CALN1: variants seen among roughly 807,000 people sequenced by gnomAD.
CALN1 encodes the protein calcium-binding protein 8.
In CALN1, 17 loss-of-function variants were observed where a neutral mutation model predicts 30.6. That is an observed-to-expected ratio of 0.56 (90% CI 0.38 to 0.83). CALN1 has a LOEUF of 0.83. CALN1 is among the 40% of genes least tolerant of loss of function. The pLI is 0.00. For missense variants in CALN1, 291 were observed against 354.9 expected (o/e 0.82, Z 1.45); for synonymous variants, 156 against 131.4 (o/e 1.19, Z -1.28).
intron 2 of CALN1, among the ~76,000 whole-genome samples, chr7:72,358,133 A>C (rs1803351008): frequency 6.6e-6 from 1 of 151,704 alleles, no homozygotes; most frequent in Non-Finnish European, 1.5e-5. Flanking sequence ...CCGGGGTTAT[A>C]GGTGTGCACC....
chr7:72,485,786 A>G, the CALN1 span, among the ~76,000 whole-genome samples: 6 of 152,158 alleles, frequency 3.9e-5, no homozygotes, highest in East Asian at 9.7e-4. Flanking sequence ...CAGGAGAATC[A>G]CTTGAACCCG....
intron 2 of CALN1, among the ~76,000 whole-genome samples, chr7:72,287,172 ATATT>A (rs1798137068): frequency 6.6e-6 from 1 of 152,158 alleles, no homozygotes; most frequent in Non-Finnish European, 1.5e-5. Flanking sequence ...AAGAAATAAC[ATATT>A]ACACTGAAAC....
intron 2 of CALN1, among the ~76,000 whole-genome samples, chr7:72,399,781 T>C (rs889932825): frequency 2.6e-5 from 4 of 152,328 alleles, no homozygotes; most frequent in Middle Eastern, 6.8e-3. Context: ...AATCTCATGT[T>C]GGAATGTGAT....
At chr7:72,387,334 T>A (rs1805292528) in intron 2 of CALN1, among the ~76,000 whole-genome samples, 1 of 137,952 alleles carries the variant, frequency 7.2e-6, no homozygotes, top group African/African-American at 2.7e-5. Context: ...ATACAAGAAT[T>A]CCATAATTTA....
intron 6 of CALN1, among the ~76,000 whole-genome samples, chr7:71,799,321 C>T (rs1006278442): frequency 2.5e-4 from 38 of 152,254 alleles, no homozygotes; most frequent in Admixed American, 2.2e-3. Context: ...TGAGGGCATG[C>T]TGGGGAAGGA....
At chr7:72,157,929 G>C (rs906196675) in intron 3 of CALN1, among the ~76,000 whole-genome samples, 1 of 152,140 alleles carries the variant, frequency 6.6e-6, no homozygotes, top group East Asian at 1.9e-4. Context: ...ATGTTTAATA[G>C]AGACAGGGTT....
the CALN1 span, among the ~76,000 whole-genome samples, chr7:72,471,450 G>A: frequency 6.6e-6 from 1 of 152,168 alleles, no homozygotes; most frequent in African/African-American, 2.4e-5. Context: ...ACCTCCCCTG[G>A]GGGAACACAC....
chr7:71,840,067 C>T (rs1789844392), intron 5 of CALN1, among the ~76,000 whole-genome samples: 1 of 152,134 alleles, frequency 6.6e-6, no homozygotes, highest in South Asian at 2.1e-4. Context: ...TGAAGTTTTC[C>T]CTGACTCTGT....
intron 5 of CALN1, among the ~76,000 whole-genome samples, chr7:71,923,007 ACTATACTATACTATACTATT>A (rs1273685111): frequency 6.9e-6 from 1 of 145,340 alleles, no homozygotes; most frequent in South Asian, 2.1e-4. Context: ...ACTACACTAT[ACTATACTATACTATACTATT>A]CTATACTATA....
chr7:71,972,751 T>C (rs62462777), intron 5 of CALN1, among the ~76,000 whole-genome samples: 1,945 of 152,294 alleles, frequency 0.013, 21 homozygotes, highest in Non-Finnish European at 0.023. Context: ...TTGGCAGTGA[T>C]TGATGGGCCG....
the CALN1 span, among the ~76,000 whole-genome samples, chr7:72,463,858 G>C: frequency 6.6e-6 from 1 of 151,904 alleles, no homozygotes; most frequent in Non-Finnish European, 1.5e-5. Flanking sequence ...ACTTTTCCTG[G>C]CCTGGCCTGG....
intron 4 of CALN1, among the ~76,000 whole-genome samples, chr7:72,033,794 A>G (rs933957337): frequency 1.3e-5 from 2 of 152,150 alleles, no homozygotes; most frequent in African/African-American, 4.8e-5. Context: ...CTTGGGTATG[A>G]AAGCGCCAGA....
chr7:72,316,806 A>G (rs1199373076), intron 2 of CALN1, among the ~76,000 whole-genome samples: 1 of 151,778 alleles, frequency 6.6e-6, no homozygotes, highest in East Asian at 2.0e-4. Flanking sequence ...TCAGCTGTGC[A>G]TGGTGTCACA....
upstream of CALN1, among the ~76,000 whole-genome samples, chr7:72,451,179 C>CAGG (rs1330614631): frequency 7.4e-5 from 7 of 94,738 alleles, no homozygotes; most frequent in African/African-American, 1.6e-4. Flanking sequence ...GGAGGAGGAG[C>CAGG]AGGAGGAGGA....
chr7:72,287,601 GACGCACGGCT>G (rs1324702527), intron 2 of CALN1, among the ~76,000 whole-genome samples: 1 of 151,504 alleles, frequency 6.6e-6, no homozygotes, highest in East Asian at 1.9e-4. Flanking sequence ...CGCCCGCCAC[GACGCACGGCT>G]AATTTTTTGT....
At chr7:72,158,312 T>C (rs1787861587) in intron 3 of CALN1, among the ~76,000 whole-genome samples, 2 of 152,112 alleles carry the variant, frequency 1.3e-5, no homozygotes, top group Non-Finnish European at 2.9e-5. Flanking sequence ...GGAGAATGGA[T>C]TGAAAGGAAG....
At chr7:72,078,115 G>A (rs1483904901) in intron 4 of CALN1, among the ~76,000 whole-genome samples, 1 of 152,180 alleles carries the variant, frequency 6.6e-6, no homozygotes, top group Non-Finnish European at 1.5e-5. Context: ...CCAAGTGCTT[G>A]CCCTTTTGGA....
intron 5 of CALN1, among the ~76,000 whole-genome samples, chr7:71,812,439 T>G (rs1026430620): frequency 6.6e-6 from 1 of 152,180 alleles, no homozygotes; most frequent in Non-Finnish European, 1.5e-5. Flanking sequence ...GCAAAACATT[T>G]GGTAAAACTG....
intron 3 of CALN1, among the ~76,000 whole-genome samples, chr7:72,142,557 T>A (rs1810030291): frequency 6.6e-6 from 1 of 152,198 alleles, no homozygotes; most frequent in Admixed American, 6.5e-5. Context: ...GGGCAGGGCA[T>A]AGCCGAACAA....
Sources: gnomAD v4.1 joint callset for allele counts (sites outside exome capture counted in the v4.1 genomes callset) on GRCh38, gnomAD v4.1.1 for gene constraint, MANE v1.5 for transcripts, NCBI Gene and HGNC (gene_info 2026-07-23, HGNC 2026-07-21) for gene names.